DOCK2: variants seen among roughly 807,000 people sequenced by gnomAD.
The protein encoded by DOCK2 is dedicator of cytokinesis 2.
DOCK2 carries 87 observed loss-of-function variants against 248.9 expected under a neutral mutation model. That is an observed-to-expected ratio of 0.35 (90% CI 0.29 to 0.42). DOCK2 has a LOEUF of 0.42. Among genes scored for constraint, DOCK2 ranks in the 10% least tolerant of loss-of-function variants. DOCK2 has a pLI of 1.00. For synonymous variants in DOCK2, 805 were observed against 821.6 expected (o/e 0.98, Z 0.35); for missense variants, 1,747 against 2,300.2 (o/e 0.76, Z 4.92).
intron 6 of DOCK2, 113 bp from the exon 7 acceptor site, chr5:169,681,631 C>CGGCG: frequency 3.1e-6 from 4 of 1,308,722 alleles, no homozygotes; most frequent in South Asian, 3.1e-5. Context: ...TAGAGCTCTT[C>CGGCG]TATGTGACTA....
Position 169,763,739 on chromosome 5 carries a change from A to T in DOCK2, c.2554+2114A>T, listed in dbSNP as rs571456629. On this transcript the variant is annotated intron_variant, in intron 25 of 51. Coordinates refer to ENST00000520908, the MANE Select transcript of DOCK2 (RefSeq NM_004946.3). This position sits in a 1 kb window ranked among gnomAD's most constrained non-coding sequence, Gnocchi z 4.1. ...GCCAGCCCTGGCGTTGTACACAGTT[A>T]AAAAAGAAAGCAAAATTCTTACCTT... Among the ~76,000 whole-genome samples, 2 of 152,372 alleles carry T rather than the reference A, an allele frequency of 1.3e-5. No homozygotes were observed. Among genetic ancestry groups the T allele is most frequent in the East Asian group, 1.9e-4 (1 of 5,194 alleles).
chr5:169,708,920 C>A (rs1005613049), intron 15 of DOCK2, among the ~76,000 whole-genome samples: 5 of 152,170 alleles, frequency 3.3e-5, no homozygotes, highest in Non-Finnish European at 7.3e-5. Context: ...AGACCCTAGG[C>A]CCAGAGAGTC....
intron 29 of DOCK2, among the ~76,000 whole-genome samples, chr5:169,986,263 T>C (rs1581506462): frequency 6.6e-6 from 1 of 152,334 alleles, no homozygotes; most frequent in East Asian, 1.9e-4. Flanking sequence ...TGTGACATGG[T>C]AAAATAAGTT....
chr5:169,904,633 C>A (rs766940953), intron 27 of DOCK2, among the ~76,000 whole-genome samples: 4 of 152,172 alleles, frequency 2.6e-5, no homozygotes, highest in Admixed American at 6.5e-5. Context: ...AGCCTCTCCC[C>A]CTAGTGAGGG....
rs538375937 is a variant in DOCK2 at position 169,678,312 on chromosome 5, G to A, written c.471-3432G>A. ...CTTTTTTGAGACAGAGTCTCGATCT[G>A]TCACCCAGGCTAGAGTGCAGAGTGC... On this transcript the variant is annotated intron_variant, in intron 6 of 51. Transcript: ENST00000520908. Among the ~76,000 whole-genome samples, 147 of 150,954 alleles carry A rather than the reference G, an allele frequency of 9.7e-4. 1 individual carries two copies. The highest frequency in any genetic ancestry group is 3.4e-3 in the African/African-American group (140 of 41,096).
At chr5:169,657,513 G>A (rs1404279168) in intron 2 of DOCK2, among the ~76,000 whole-genome samples, 1 of 152,098 alleles carries the variant, frequency 6.6e-6, no homozygotes. Flanking sequence ...GCTAATATTG[G>A]GTCCAAATGA....
intron 34 of DOCK2, among the ~76,000 whole-genome samples, chr5:170,029,398 C>G (rs1446082736): frequency 1.3e-5 from 2 of 152,172 alleles, no homozygotes; most frequent in Admixed American, 6.5e-5. Context: ...GCTTGTATAT[C>G]TTTGGAGAAA....
rs143567692 is a variant in DOCK2 at position 170,036,260 on chromosome 5, G to A, written c.3625-255G>A. 1.5e-3 allele frequency among the ~76,000 whole-genome samples: 235 copies of A among 152,260 alleles called. 1 individual carries two copies. Among genetic ancestry groups the A allele is most frequent in the Middle Eastern group, 6.8e-3 (2 of 294 alleles). On this transcript the variant is annotated intron_variant, in intron 35 of 51. Coordinates refer to ENST00000520908, the MANE Select transcript of DOCK2 (RefSeq NM_004946.3). Reference sequence around the variant, plus strand: ...AACACTGAACTGCCCCTCCTGATATGTGATGGCTGAGACACATCAAGTCCT... The same window carrying A: ...AACACTGAACTGCCCCTCCTGATATATGATGGCTGAGACACATCAAGTCCT...
chr5:169,821,711 A>G (rs1293290886), intron 26 of DOCK2, among the ~76,000 whole-genome samples: 1 of 152,240 alleles, frequency 6.6e-6, no homozygotes, highest in African/African-American at 2.4e-5. Flanking sequence ...AACTGTGTCA[A>G]CTAATGAGCA....
intron 30 of DOCK2, 81 bp downstream of exon 30, chr5:169,996,245 A>G (rs1012373315): frequency 7.8e-6 from 11 of 1,415,406 alleles, no homozygotes; most frequent in Non-Finnish European, 1.1e-5. Context: ...CATCAGACAC[A>G]TCCCAAAGGC....
chr5:169,996,024 A>G (rs1754617354), intron 29 of DOCK2, 62 bp from the exon 30 acceptor site: 2 of 1,565,036 alleles, frequency 1.3e-6, no homozygotes, highest in Admixed American at 3.5e-5. Context: ...AGTCTGGCAT[A>G]AGGACGAAGG....
At chr5:169,835,900 G>C (rs1769547370) in intron 26 of DOCK2, among the ~76,000 whole-genome samples, 1 of 151,838 alleles carries the variant, frequency 6.6e-6, no homozygotes, top group African/African-American at 2.4e-5. Context: ...GACTACAAGT[G>C]TGCACCACCA....
chr5:169,672,339 G>A (rs946383276), intron 5 of DOCK2, among the ~76,000 whole-genome samples: 6 of 152,198 alleles, frequency 3.9e-5, no homozygotes, highest in South Asian at 4.1e-4. Context: ...ACAATCACAC[G>A]TACCATTGAA....
intron 25 of DOCK2, among the ~76,000 whole-genome samples, chr5:169,785,334 G>T (rs1354050485): frequency 1.3e-5 from 2 of 152,092 alleles, no homozygotes; most frequent in Non-Finnish European, 2.9e-5. Context: ...TCCTTCCTAA[G>T]AAGTTCTCTA....
intron 27 of DOCK2, among the ~76,000 whole-genome samples, chr5:169,915,684 C>T (rs1774838784): frequency 6.6e-6 from 1 of 151,774 alleles, no homozygotes; most frequent in South Asian, 2.1e-4. Context: ...TTATTTAGAT[C>T]TATTTTCAAC....
chr5:169,843,568 T>C lies in DOCK2; in HGVS notation c.2799+2716T>C, dbSNP rs114852087. ...AAATAAAAACAGTTTTATTGAAGTA[T>C]AGTTTATACACTTTAAAATTTAACC... On this transcript the variant is annotated intron_variant, in intron 27 of 51. Transcript: ENST00000520908. 2.1e-3 allele frequency among the ~76,000 whole-genome samples: 317 copies of C among 152,352 alleles called. 1 individual carries two copies. Among genetic ancestry groups the C allele is most frequent in the Non-Finnish European group, 2.9e-3 (196 of 68,038 alleles).
intron 27 of DOCK2, among the ~76,000 whole-genome samples, chr5:169,903,772 A>C (rs960383263): frequency 1.1e-4 from 16 of 152,092 alleles, no homozygotes; most frequent in Non-Finnish European, 1.2e-4. Flanking sequence ...GTTTGGACTT[A>C]ACCCTAAGAG....
In DOCK2 at chr5:170,057,227, A is replaced by G. The variant is rs1201847999; in HGVS notation, c.4381-353A>G. On this transcript the variant is annotated intron_variant, in intron 43 of 51. Coordinates refer to ENST00000520908, the MANE Select transcript of DOCK2 (RefSeq NM_004946.3). ...TCTCAGCTCTTTGGCCTGGACAGTAATTCTTAATATTTTTGGAGCCACTGC... is the reference window on the plus strand; with the variant it reads ...TCTCAGCTCTTTGGCCTGGACAGTAGTTCTTAATATTTTTGGAGCCACTGC... 5 of 389,180 alleles carry G rather than the reference A, an allele frequency of 1.3e-5. No individual in the cohort carries two copies. In the Admixed American group the frequency reaches 1.6e-4, roughly 12 times the overall value. The allele number at this position is 389,180 out of a possible 1,614,324, so 24.1% of individuals were successfully genotyped here.
intron 25 of DOCK2, among the ~76,000 whole-genome samples, chr5:169,781,979 G>C (rs1765739951): frequency 6.6e-6 from 1 of 152,136 alleles, no homozygotes; most frequent in Non-Finnish European, 1.5e-5. Flanking sequence ...TGGGGATTCT[G>C]GGCTCTGTCT....
Sources: allele counts gnomAD v4.1 joint callset (sites outside exome capture counted in the v4.1 genomes callset), GRCh38; gene constraint gnomAD v4.1.1; non-coding constraint Gnocchi (gnomAD v3.1); transcripts MANE v1.5; gene names NCBI Gene and HGNC (gene_info 2026-07-23, HGNC 2026-07-21).